The following PPM1L variants were observed in gnomAD, a reference collection of about 807,000 sequenced individuals.
PPM1L encodes the protein protein phosphatase 1L.
Under a neutral mutation model 31.4 loss-of-function variants are expected in PPM1L, and 13 were observed. The observed-to-expected ratio is 0.41, with a 90% confidence interval of 0.27 to 0.66. The LOEUF (loss-of-function observed/expected upper bound fraction) is 0.66, where lower values mean the gene tolerates loss of function less well. Among genes scored for constraint, PPM1L ranks in the 30% least tolerant of loss-of-function variants. PPM1L has a pLI of 0.29. For synonymous variants in PPM1L, 184 were observed against 175.4 expected (o/e 1.05, Z -0.39); for missense variants, 326 against 453.7 (o/e 0.72, Z 2.56).
rs142115583 is a variant in PPM1L, at chr3:160,961,836, C to T, written c.500C>T (p.Thr167Ile). 2.1e-4 allele frequency: 332 copies of T among 1,600,076 alleles called. 1 individual carries two copies. The African/African-American group carries it at 4.1e-3, about 20-fold the overall frequency. Residue 167 changes from threonine (T) to isoleucine (I), a missense_variant, in exon 2 of 4, where the codon ACC becomes ATC. Physicochemically the swap from Thr to Ile is moderately conservative, Grantham distance 89. Around this residue, in one of 3 missense-constraint regions of PPM1L, gnomAD observed 201 missense variants for 298.2 expected, o/e 0.67. Transcript: ENST00000498165. ...DKENSVLSYQ[T>I]ILEQQILSID... ...GAAAATAGTGTATTATCTTACCAGA[C>T]CATCCTTGAACAGCAGATTTTGTCA...
chr3:160,922,308 T>TA (rs1714442814), intron 1 of PPM1L, among the ~76,000 whole-genome samples: 1 of 151,862 alleles, frequency 6.6e-6, no homozygotes, highest in Admixed American at 6.6e-5. Flanking sequence ...AGACTCCGTC[T>TA]AAAAAAAATA....
intron 1 of PPM1L, among the ~76,000 whole-genome samples, chr3:160,766,697 GA>G (rs72071223): frequency 0.067 from 9,517 of 142,836 alleles, 347 homozygotes; most frequent in African/African-American, 0.1. Flanking sequence ...TTGTACTTCT[GA>G]AAAAAAAAAG....
chr3:160,954,960 CTTTCCT>C (rs760669864), intron 1 of PPM1L, among the ~76,000 whole-genome samples: 2 of 112,990 alleles, frequency 1.8e-5, no homozygotes, highest in Non-Finnish European at 4.0e-5. Context: ...TCCTTCCTTC[CTTTCCT>C]TTCCTTTCCT....
At chr3:160,888,004 G>A (rs1184291511) in intron 1 of PPM1L, among the ~76,000 whole-genome samples, 1 of 152,114 alleles carries the variant, frequency 6.6e-6, no homozygotes, top group Non-Finnish European at 1.5e-5. Flanking sequence ...ATTATCACTA[G>A]GCCTGCCTTG....
At chr3:160,856,333 A>G (rs1408543745) in intron 1 of PPM1L, among the ~76,000 whole-genome samples, 1 of 152,164 alleles carries the variant, frequency 6.6e-6, no homozygotes, top group East Asian at 1.9e-4. Flanking sequence ...AGGAATATAA[A>G]CCGTTCGAAG....
At chr3:160,881,018 T>C (rs570171157) in intron 1 of PPM1L, among the ~76,000 whole-genome samples, 1 of 152,362 alleles carries the variant, frequency 6.6e-6, no homozygotes, top group Admixed American at 6.5e-5. Context: ...GGTAATGTTT[T>C]AAATGGTTGT....
intron 1 of PPM1L, among the ~76,000 whole-genome samples, chr3:160,866,885 C>T (rs1333156561): frequency 2.0e-5 from 3 of 152,170 alleles, no homozygotes; most frequent in African/African-American, 4.8e-5. Context: ...TGTTCTGTCG[C>T]CTAGGCTGGA....
chr3:160,870,175 T>C (rs911381556), intron 1 of PPM1L, among the ~76,000 whole-genome samples: 1 of 151,962 alleles, frequency 6.6e-6, no homozygotes, highest in Non-Finnish European at 1.5e-5. Context: ...GACATCAAGG[T>C]AGAAGGCTAG....
chr3:160,798,888 G>A (rs1302511103), intron 1 of PPM1L, among the ~76,000 whole-genome samples: 2 of 152,208 alleles, frequency 1.3e-5, no homozygotes, highest in Non-Finnish European at 2.9e-5. Flanking sequence ...ATGCCATTAG[G>A]AACATTTGTG....
intron 1 of PPM1L, among the ~76,000 whole-genome samples, chr3:160,938,502 C>T (rs537117586): frequency 1.1e-4 from 16 of 152,138 alleles, no homozygotes; most frequent in African/African-American, 3.9e-4. Context: ...ATTAGTCTAT[C>T]AATATTATGG....
chr3:160,973,793 T>TTTTTTTTTTTTTTTG, intron 2 of PPM1L, among the ~76,000 whole-genome samples: 1 of 133,194 alleles, frequency 7.5e-6, no homozygotes, highest in Non-Finnish European at 1.6e-5. Flanking sequence ...TTTTTTTTTT[T>TTTTTTTTTTTTTTTG]AACCAAGACT....
chr3:160,878,302 G>C (rs1231140380), intron 1 of PPM1L, among the ~76,000 whole-genome samples: 1 of 152,088 alleles, frequency 6.6e-6, no homozygotes, highest in East Asian at 1.9e-4. Context: ...AGTCCACTTG[G>C]GATGCTAGAA....
rs1718244427 is a variant in PPM1L, at chr3:161,021,865, A to G, written c.575-43538A>G. Among the ~76,000 whole-genome samples the G allele has an allele frequency of 2.0e-5, 3 of 151,424 alleles. No individual in the cohort carries two copies. The South Asian group carries it at 6.2e-4, about 31-fold the overall frequency. ...TCTGGTTTTTTTTATAGCATACTTT[A>G]CTCTTTACTCTTAACATATTTGTGC... is the stretch of plus-strand genomic sequence containing the variant. On this transcript the variant is annotated intron_variant, in intron 2 of 3. Coordinates refer to ENST00000498165, the MANE Select transcript of PPM1L (RefSeq NM_139245.4).
chr3:160,926,676 A>G (rs1714604977), intron 1 of PPM1L, among the ~76,000 whole-genome samples: 1 of 152,140 alleles, frequency 6.6e-6, no homozygotes. Context: ...TGTTTGTTTC[A>G]ATGTGAGAAA....
chr3:160,882,431 G>C (rs534583726), intron 1 of PPM1L: 1 of 152,284 alleles, frequency 6.6e-6, no homozygotes, highest in African/African-American at 2.4e-5. Context: ...TTATTAAACT[G>C]TAATAAAAAG....
chr3:160,909,523 C>T (rs1488624676), intron 1 of PPM1L, among the ~76,000 whole-genome samples: 1 of 152,140 alleles, frequency 6.6e-6, no homozygotes, highest in African/African-American at 2.4e-5. Flanking sequence ...GTCTAGAGCT[C>T]AGGAGTTGCC....
chr3:160,864,639 G>T (rs988807852), intron 1 of PPM1L, among the ~76,000 whole-genome samples: 1 of 152,176 alleles, frequency 6.6e-6, no homozygotes. Flanking sequence ...TTGAGCATCT[G>T]TCATTCACCA....
chr3:161,031,063 G>A (rs1718549218), intron 2 of PPM1L, among the ~76,000 whole-genome samples: 1 of 152,180 alleles, frequency 6.6e-6, no homozygotes, highest in Admixed American at 6.5e-5. Context: ...TCCTTTATAA[G>A]CTGCTGTCAC....
At chr3:161,022,422 T>C (rs1559927661) in intron 2 of PPM1L, 1 of 334,548 alleles carries the variant, frequency 3.0e-6, no homozygotes, top group Non-Finnish European at 5.3e-6. Context: ...TAGAACAAAA[T>C]ATAATTCTTT....
Sources: allele counts gnomAD v4.1 joint callset (sites outside exome capture counted in the v4.1 genomes callset), GRCh38; gene constraint gnomAD v4.1.1; regional missense constraint gnomAD v4.1.1; transcripts MANE v1.5; gene names NCBI Gene and HGNC (gene_info 2026-07-23, HGNC 2026-07-21).